Variants in ACTR3C observed in about 807,000 individuals in gnomAD.
ACTR3C encodes the protein actin-related protein 3C.
ACTR3C carries 18 observed loss-of-function variants against 26.3 expected under a neutral mutation model. The observed-to-expected ratio is 0.68, with a 90% CI of 0.47 to 1.01. ACTR3C has a LOEUF of 1.01. Among genes scored for constraint, ACTR3C ranks in the 50% least tolerant of loss-of-function variants. The pLI is 0.00. For synonymous variants in ACTR3C, 55 were observed against 94.5 expected (o/e 0.58, Z 2.42); for missense variants, 184 against 250.7 (o/e 0.73, Z 1.80).
chr7:150,082,087 C>A, the ACTR3C span, among the ~76,000 whole-genome samples: 2 of 152,180 alleles, frequency 1.3e-5, no homozygotes, highest in African/African-American at 4.8e-5. Context: ...GGCAACCACT[C>A]TATTGAAAAG....
At chr7:150,201,890 A>G in the ACTR3C span, among the ~76,000 whole-genome samples, 1 of 152,338 alleles carries the variant, frequency 6.6e-6, no homozygotes, top group African/African-American at 2.4e-5. Context: ...AAGAGCTATA[A>G]TGTAACTGGT....
the ACTR3C span, among the ~76,000 whole-genome samples, chr7:150,058,567 CT>C: frequency 6.6e-6 from 1 of 152,190 alleles, no homozygotes; most frequent in Non-Finnish European, 1.5e-5. Flanking sequence ...TGTTTTCTGT[CT>C]TTGAACATAG....
At chr7:150,079,154 G>A in the ACTR3C span, among the ~76,000 whole-genome samples, 1 of 152,118 alleles carries the variant, frequency 6.6e-6, no homozygotes, top group Admixed American at 6.5e-5. Context: ...GGAGTGCCAG[G>A]TCACTTACGT....
At chr7:150,091,151 C>G in the ACTR3C span, among the ~76,000 whole-genome samples, 2 of 145,076 alleles carry the variant, frequency 1.4e-5, no homozygotes, top group Non-Finnish European at 3.0e-5. Context: ...AGGCAGGGCT[C>G]TGGGTTCCTT....
downstream of ACTR3C, among the ~76,000 whole-genome samples, chr7:150,242,234 G>A (rs1453441989): frequency 4.0e-5 from 6 of 150,972 alleles, no homozygotes; most frequent in Non-Finnish European, 7.4e-5. Context: ...AAAAATGTGA[G>A]GGTGGGGGAA....
the ACTR3C span, among the ~76,000 whole-genome samples, chr7:149,895,796 C>T: frequency 6.6e-6 from 1 of 152,172 alleles, no homozygotes; most frequent in Non-Finnish European, 1.5e-5. Context: ...GCACTCCAGC[C>T]TGAGCAACAG....
chr7:150,057,704 A>T, the ACTR3C span, among the ~76,000 whole-genome samples: 6 of 152,196 alleles, frequency 3.9e-5, no homozygotes, highest in Non-Finnish European at 8.8e-5. Context: ...GCCTGCTTGG[A>T]TTTGTCCATA....
At chr7:150,318,020 A>ATG (rs1367190329) in intron 1 of ACTR3C, among the ~76,000 whole-genome samples, 5 of 152,220 alleles carry the variant, frequency 3.3e-5, no homozygotes, top group Non-Finnish European at 7.3e-5. Flanking sequence ...AGGTTGCAAG[A>ATG]AAATGGGGAT....
chr7:149,905,854 C>G, the ACTR3C span, among the ~76,000 whole-genome samples: 1 of 152,078 alleles, frequency 6.6e-6, no homozygotes, highest in Non-Finnish European at 1.5e-5. Flanking sequence ...TCAGAACAGC[C>G]TCCTGGAGGA....
chr7:150,315,220 TA>T (rs1796748481), intron 1 of ACTR3C, among the ~76,000 whole-genome samples: 1 of 151,630 alleles, frequency 6.6e-6, no homozygotes, highest in African/African-American at 2.4e-5. Context: ...GCAATGACTA[TA>T]AAAGACTGAC....
chr7:150,310,891 C>T (rs978183596), intron 1 of ACTR3C, among the ~76,000 whole-genome samples: 1 of 152,164 alleles, frequency 6.6e-6, no homozygotes, highest in Non-Finnish European at 1.5e-5. Context: ...AAAAGGGTAC[C>T]GAGTATCCCC....
the ACTR3C span, among the ~76,000 whole-genome samples, chr7:150,200,985 T>G: frequency 1.3e-5 from 2 of 152,260 alleles, no homozygotes; most frequent in African/African-American, 4.8e-5. Context: ...TGTACATTAT[T>G]TATTTTAAAC....
At chr7:150,291,623 A>G (rs1476557876) in intron 3 of ACTR3C, among the ~76,000 whole-genome samples, 2 of 152,204 alleles carry the variant, frequency 1.3e-5, no homozygotes, top group African/African-American at 4.8e-5. Context: ...CAACTTTCTT[A>G]GTGGGCCTGG....
chr7:150,003,623 G>A, the ACTR3C span, among the ~76,000 whole-genome samples: 1 of 152,158 alleles, frequency 6.6e-6, no homozygotes, highest in African/African-American at 2.4e-5. Flanking sequence ...GTGTGTGTGT[G>A]TGGTGTGATG....
the ACTR3C span, among the ~76,000 whole-genome samples, chr7:149,908,351 C>T: frequency 6.6e-6 from 1 of 152,186 alleles, no homozygotes; most frequent in Non-Finnish European, 1.5e-5. Context: ...ACCAATCATG[C>T]CTGTCATCAG....
the ACTR3C span, among the ~76,000 whole-genome samples, chr7:149,974,422 A>G: frequency 6.6e-6 from 1 of 152,028 alleles, no homozygotes; most frequent in African/African-American, 2.4e-5. Flanking sequence ...TCAAGATCAT[A>G]TCACAGGTTT....
chr7:150,267,445 C>G (rs190946166), intron 6 of ACTR3C, among the ~76,000 whole-genome samples: 2 of 152,338 alleles, frequency 1.3e-5, no homozygotes, highest in Non-Finnish European at 2.9e-5. Context: ...ATGTCCACAC[C>G]GTATACGCCA....
At chr7:150,034,402 C>T in the ACTR3C span, among the ~76,000 whole-genome samples, 1,798 of 151,704 alleles carry the variant, frequency 0.012, 24 homozygotes, top group South Asian at 0.035. Flanking sequence ...AGGGCTGGGG[C>T]TGCCAGAAGA....
chr7:150,036,868 G>T, the ACTR3C span, among the ~76,000 whole-genome samples: 2 of 128,448 alleles, frequency 1.6e-5, no homozygotes, highest in Admixed American at 7.3e-5. Flanking sequence ...AAGCCAGGGG[G>T]GGATGAGGGT....
Sources: gnomAD v4.1 joint callset for allele counts (sites outside exome capture counted in the v4.1 genomes callset) on GRCh38, gnomAD v4.1.1 for gene constraint, MANE v1.5 for transcripts, NCBI Gene and HGNC (gene_info 2026-07-23, HGNC 2026-07-21) for gene names.